Variants in CDH10 observed in about 807,000 individuals in gnomAD.
CDH10 encodes cadherin 10, also known as cadherin-10.
Under a neutral mutation model 73.1 loss-of-function variants are expected in CDH10, and 30 were observed. The observed-to-expected ratio is 0.41, with a 90% CI of 0.31 to 0.56. The LOEUF (loss-of-function observed/expected upper bound fraction) is 0.56. Among genes scored for constraint, CDH10 ranks in the 20% least tolerant of loss-of-function variants. CDH10 has a pLI of 0.27. For synonymous variants in CDH10, 345 were observed against 348.2 expected (o/e 0.99, Z 0.10); for missense variants, 815 against 973.7 (o/e 0.84, Z 2.17).
chr5:24,505,925 C>A (rs1047836071), intron 7 of CDH10, among the ~76,000 whole-genome samples: 1 of 152,088 alleles, frequency 6.6e-6, no homozygotes, highest in Non-Finnish European at 1.5e-5. Flanking sequence ...AGCAGCCTGA[C>A]CAATATGGTG....
intron 11 of CDH10, 92 bp downstream of exon 11, chr5:24,491,484 T>G: frequency 1.9e-6 from 2 of 1,029,298 alleles, no homozygotes; most frequent in Non-Finnish European, 2.9e-6. Context: ...AAATTTGGGG[T>G]GGTTTTGGGG....
intron 2 of CDH10, among the ~76,000 whole-genome samples, chr5:24,584,271 C>T (rs1011166682): frequency 1.3e-5 from 2 of 151,898 alleles, no homozygotes; most frequent in Admixed American, 1.3e-4. Context: ...TCCAGAAGAA[C>T]GTTAAATACA....
intron 6 of CDH10, 58 bp from the exon 7 acceptor site, chr5:24,509,877 A>G (rs1276395001): frequency 1.1e-5 from 15 of 1,348,150 alleles, no homozygotes; most frequent in Non-Finnish European, 1.5e-5. Flanking sequence ...ATATGCTCCC[A>G]CCCAGTTACA....
intron 9 of CDH10, among the ~76,000 whole-genome samples, chr5:24,495,645 G>A (rs1742249017): frequency 2.6e-5 from 4 of 151,942 alleles, no homozygotes; most frequent in Admixed American, 1.3e-4. Context: ...TCAGGAAATC[G>A]AGACCATCCT....
intron 7 of CDH10, among the ~76,000 whole-genome samples, chr5:24,507,276 C>T (rs1742730857): frequency 6.6e-6 from 1 of 151,450 alleles, no homozygotes; most frequent in African/African-American, 2.4e-5. Flanking sequence ...AGTATAAAGT[C>T]AAAGTATACA....
At position 24,509,954 on chromosome 5, in the gene CDH10, C is replaced by T. The variant is rs1373131877; in HGVS notation, c.1003-135G>A. The stretch of plus-strand genomic sequence containing the variant: ...ATTAATTATAAATAAAAAAGACTAA[C>T]ACAAATAATATAATCTTCATGTTTC... On this transcript the variant is annotated intron_variant, in intron 6 of 11. Coordinates refer to ENST00000264463, the MANE Select transcript of CDH10 (RefSeq NM_006727.5). 2.5e-5 allele frequency: 15 copies of T among 597,788 alleles called. No homozygotes were observed. The East Asian group carries it at 3.5e-4, about 14-fold the overall frequency. 37.0% of individuals were successfully genotyped at this position (597,788 alleles called of 1,614,324 possible).
At chr5:24,560,137 C>CT (rs1245300594) in intron 2 of CDH10, among the ~76,000 whole-genome samples, 1 of 151,358 alleles carries the variant, frequency 6.6e-6, no homozygotes, top group Admixed American at 6.6e-5. Flanking sequence ...GAGATTTCTT[C>CT]TTTTTTATTC....
At chr5:24,509,844 AT>A in intron 6 of CDH10, 25 bp from the exon 7 acceptor site, 1 of 1,571,774 alleles carries the variant, frequency 6.4e-7, no homozygotes, top group Non-Finnish European at 8.7e-7. Flanking sequence ...AAATCATCAA[AT>A]TAGAGTGAGG....
chr5:24,498,605 T>G, intron 8 of CDH10, 86 bp from the exon 9 acceptor site: 2 of 833,760 alleles, frequency 2.4e-6, no homozygotes, highest in South Asian at 3.3e-5. Context: ...GGGTATGAAG[T>G]GCTCACATAC....
chr5:24,627,437 A>T (rs1217298238), intron 1 of CDH10, among the ~76,000 whole-genome samples: 2 of 152,184 alleles, frequency 1.3e-5, no homozygotes, highest in Non-Finnish European at 2.9e-5. Flanking sequence ...AAAAATATAG[A>T]GTGAAATAAT....
chr5:24,626,681 C>T (rs1020888739), intron 1 of CDH10, among the ~76,000 whole-genome samples: 1 of 151,724 alleles, frequency 6.6e-6, no homozygotes, highest in African/African-American at 2.4e-5. Flanking sequence ...GAGACTGAGG[C>T]ATGAATCACT....
chr5:24,518,846 T>C (rs1340314913), intron 5 of CDH10, among the ~76,000 whole-genome samples: 4 of 151,380 alleles, frequency 2.6e-5, no homozygotes, highest in Non-Finnish European at 1.5e-5. Flanking sequence ...TCTAAGTTTA[T>C]CTTGCAAGGG....
At chr5:24,644,113 G>C (rs332009) in intron 1 of CDH10, among the ~76,000 whole-genome samples, 140,273 of 152,196 alleles carry the variant, frequency 0.92, 64,884 homozygotes, top group Admixed American at 0.96. Context: ...TGTCATTTCT[G>C]TTTATATTGA....
At chr5:24,632,132 T>C (rs527290687) in intron 1 of CDH10, among the ~76,000 whole-genome samples, 1 of 152,234 alleles carries the variant, frequency 6.6e-6, no homozygotes, top group South Asian at 2.1e-4. Flanking sequence ...AGGAAGTAGA[T>C]ATTTCTAGCT....
intron 2 of CDH10, among the ~76,000 whole-genome samples, chr5:24,567,797 T>C (rs942666848): frequency 5.9e-5 from 9 of 152,016 alleles, no homozygotes. Flanking sequence ...ACTTCAAAAA[T>C]GTAAAAAAGT....
intron 1 of CDH10, among the ~76,000 whole-genome samples, chr5:24,627,268 G>A (rs904862244): frequency 5.3e-5 from 8 of 151,874 alleles, no homozygotes; most frequent in African/African-American, 1.2e-4. Flanking sequence ...AATACATTTC[G>A]ACAACTCGAT....
intron 1 of CDH10, among the ~76,000 whole-genome samples, chr5:24,597,024 T>C (rs934701774): frequency 6.6e-6 from 1 of 152,050 alleles, no homozygotes; most frequent in Non-Finnish European, 1.5e-5. Context: ...CTAAAATTAA[T>C]GAAATTCTAT....
At chr5:24,516,533 G>T (rs1194305744) in intron 5 of CDH10, among the ~76,000 whole-genome samples, 1 of 151,824 alleles carries the variant, frequency 6.6e-6, no homozygotes. Context: ...AGGAAAAGCT[G>T]CCCCTTCTCT....
Position 24,508,691 on chromosome 5 carries a change from T to A in CDH10, c.1256+875A>T, listed in dbSNP as rs996863359. Among the ~76,000 whole-genome samples, 4 of 148,342 alleles carry A rather than the reference T, an allele frequency of 2.7e-5. No homozygotes were observed. In the South Asian group the frequency reaches 6.2e-4, roughly 23 times the overall value. On this transcript the variant is annotated intron_variant, in intron 7 of 11. Transcript: ENST00000264463. ...GCACCACCATGCCTGGCTAATTTTT[T>A]AATTTTTTATAGAGACAGGGTCTCA...
Sources: allele counts gnomAD v4.1 joint callset (sites outside exome capture counted in the v4.1 genomes callset), GRCh38; gene constraint gnomAD v4.1.1; transcripts MANE v1.5; gene names NCBI Gene and HGNC (gene_info 2026-07-23, HGNC 2026-07-21).